TMTC1: variants seen among roughly 807,000 people sequenced by gnomAD.
The protein encoded by TMTC1 is protein O-mannosyl-transferase TMTC1.
TMTC1 carries 73 observed loss-of-function variants against 104.8 expected under a neutral mutation model. That is an observed-to-expected ratio of 0.70 (90% confidence interval 0.58 to 0.85). The LOEUF (loss-of-function observed/expected upper bound fraction) is 0.85, where lower values mean the gene tolerates loss of function less well. Among genes scored for constraint, TMTC1 ranks in the 40% least tolerant of loss-of-function variants. The pLI, the probability that TMTC1 is intolerant of heterozygous loss-of-function variation, is 0.00. For missense variants in TMTC1, 1,035 were observed against 1,096.1 expected (o/e 0.94, Z 0.79); for synonymous variants, 434 against 428.7 (o/e 1.01, Z -0.15).
intron 5 of TMTC1, among the ~76,000 whole-genome samples, chr12:29,730,095 C>T (rs1942507635): frequency 6.6e-6 from 1 of 152,096 alleles, no homozygotes; most frequent in Admixed American, 6.5e-5. Context: ...CAGAAGGGTG[C>T]AGTTGAAACA....
At chr12:29,636,731 T>C (rs1270286212) in intron 5 of TMTC1, among the ~76,000 whole-genome samples, 2 of 151,668 alleles carry the variant, frequency 1.3e-5, no homozygotes, top group African/African-American at 2.4e-5. Flanking sequence ...GGCAGGGGAA[T>C]CTCTTGAACC....
At chr12:29,751,264 A>T (rs925462119) in intron 5 of TMTC1, among the ~76,000 whole-genome samples, 1 of 152,222 alleles carries the variant, frequency 6.6e-6, no homozygotes, top group African/African-American at 2.4e-5. Context: ...AGAAAGGAAG[A>T]GTCCTCTGGG....
rs1943623122 is a variant in TMTC1 at position 29,502,789 on chromosome 12, T to C, written c.*4057A>G. The C allele has an allele frequency of 6.6e-6, 1 of 152,216 alleles. No individual in the cohort carries two copies. The highest frequency in any genetic ancestry group is 1.5e-5 in the Non-Finnish European group (1 of 68,034). 9.4% of individuals were successfully genotyped at this position (152,216 alleles called of 1,614,324 possible). A position where few individuals can be genotyped will look rare whatever the true frequency, so the allele number is the denominator to read the frequency against. On this transcript the variant is annotated 3_prime_UTR_variant, in exon 18 of 18. Coordinates refer to ENST00000539277, the MANE Select transcript of TMTC1 (RefSeq NM_001193451.2). ...CCCATTCCAGGTGTCAGCCCTGTAG[T>C]GGTTCTCCAGCCTAGCTGCACATAA...
chr12:29,514,373 C>A, intron 16 of TMTC1, 109 bp downstream of exon 16: 1 of 1,195,904 alleles, frequency 8.4e-7, no homozygotes, highest in Non-Finnish European at 1.1e-6. Context: ...ACTCCATAAA[C>A]ATACATGCCA....
At chr12:29,583,824 C>CAA (rs1946051725) in intron 7 of TMTC1, among the ~76,000 whole-genome samples, 1 of 151,980 alleles carries the variant, frequency 6.6e-6, no homozygotes, top group Non-Finnish European at 1.5e-5. Flanking sequence ...ATCTTGTAGG[C>CAA]TTAAAGTGCC....
intron 10 of TMTC1, among the ~76,000 whole-genome samples, chr12:29,538,293 A>G (rs1407908834): frequency 6.6e-6 from 1 of 152,188 alleles, no homozygotes; most frequent in Non-Finnish European, 1.5e-5. Context: ...TCTATAATAT[A>G]CCTTCATGTA....
In TMTC1 at chr12:29,518,523, C is replaced by G. The variant is rs771961300; in HGVS notation, c.1973G>C (p.Arg658Thr). ...SHHVAMVNLGRLYRSLGENSM... is the reference protein window; with the variant it reads ...SHHVAMVNLGTLYRSLGENSM... The stretch of plus-strand genomic sequence containing the variant: ...GTTCTCTCCCAGTGACCTGTAGAGT[C>G]TTCCCAAGTTCACCATGGCCACGTG... Residue 658 changes from arginine to threonine, a missense_variant, in exon 13 of 18, where the codon AGA becomes ACA. Transcript: ENST00000539277. 1 of 1,614,162 alleles carries G rather than the reference C, an allele frequency of 6.2e-7. No homozygotes were observed. Among genetic ancestry groups the G allele is most frequent in the South Asian group, 1.1e-5 (1 of 91,086 alleles).
chr12:29,539,511 G>T (rs1944736364), intron 10 of TMTC1, among the ~76,000 whole-genome samples: 1 of 152,126 alleles, frequency 6.6e-6, no homozygotes, highest in South Asian at 2.1e-4. Context: ...ACTACCTACA[G>T]ATAGACTCTT....
chr12:29,510,302 G>A (rs972749321), intron 17 of TMTC1, among the ~76,000 whole-genome samples: 7 of 151,964 alleles, frequency 4.6e-5, no homozygotes, highest in South Asian at 4.1e-4. Flanking sequence ...GTAAAAACAC[G>A]GTATTATAAT....
intron 1 of TMTC1, among the ~76,000 whole-genome samples, chr12:29,778,884 T>A (rs1213076816): frequency 6.6e-6 from 1 of 152,178 alleles, no homozygotes; most frequent in Non-Finnish European, 1.5e-5. Context: ...ATTATCCAAG[T>A]TGAAAGCCAG....
intron 5 of TMTC1, among the ~76,000 whole-genome samples, chr12:29,676,032 T>A (rs944355914): frequency 6.6e-6 from 1 of 152,194 alleles, no homozygotes; most frequent in Admixed American, 6.5e-5. Context: ...ACGCCATTAA[T>A]TAAAAGGAAT....
intron 5 of TMTC1, among the ~76,000 whole-genome samples, chr12:29,665,438 T>C (rs1280299248): frequency 6.6e-6 from 1 of 152,168 alleles, no homozygotes; most frequent in African/African-American, 2.4e-5. Flanking sequence ...TCCCAGTATA[T>C]CATGTTCAAA....
intron 8 of TMTC1, among the ~76,000 whole-genome samples, chr12:29,582,165 T>C (rs1243549496): frequency 1.3e-5 from 2 of 152,236 alleles, no homozygotes; most frequent in Non-Finnish European, 2.9e-5. Context: ...AATTGCCAAG[T>C]AAAATCAAAC....
intron 6 of TMTC1, among the ~76,000 whole-genome samples, chr12:29,604,726 A>T (rs1053650521): frequency 2.0e-5 from 3 of 152,218 alleles, no homozygotes; most frequent in African/African-American, 7.2e-5. Context: ...CCAAAATATA[A>T]TGTATTTTCT....
At chr12:29,577,571 A>C (rs1265079200) in intron 8 of TMTC1, among the ~76,000 whole-genome samples, 4 of 152,134 alleles carry the variant, frequency 2.6e-5, no homozygotes, top group East Asian at 1.9e-4. Context: ...ATCCCTGGTG[A>C]CCATTTCATT....
intron 5 of TMTC1, among the ~76,000 whole-genome samples, chr12:29,651,899 G>GC (rs111832618): frequency 3.2e-4 from 42 of 132,876 alleles, no homozygotes; most frequent in African/African-American, 1.1e-3. Flanking sequence ...CAAAAAACTT[G>GC]CCCAAAAAAA....
chr12:29,683,637 G>A (rs546001273), intron 5 of TMTC1, among the ~76,000 whole-genome samples: 15 of 152,238 alleles, frequency 9.9e-5, no homozygotes, highest in Admixed American at 9.2e-4. Flanking sequence ...TGCTAAATGC[G>A]ACTGTATAAT....
rs543095499 is a variant in TMTC1 at position 29,758,464 on chromosome 12, T to C, written c.554+240A>G. 5.9e-5 allele frequency among the ~76,000 whole-genome samples: 9 copies of C among 152,286 alleles called. No individual in the cohort carries two copies. In the South Asian group the frequency reaches 1.9e-3, roughly 32 times the overall value. ...CAAGTAAAAGGAATGATAAAGCAAG[T>C]GCTTGGGTTCCCAACACTGGGAAAG... On this transcript the variant is annotated intron_variant, in intron 3 of 17. Coordinates refer to ENST00000539277, the MANE Select transcript of TMTC1 (RefSeq NM_001193451.2).
chr12:29,578,114 T>A (rs1945874436), intron 8 of TMTC1, among the ~76,000 whole-genome samples: 1 of 151,944 alleles, frequency 6.6e-6, no homozygotes, highest in Non-Finnish European at 1.5e-5. Flanking sequence ...AATAGACAAT[T>A]GGGTCTGTGG....
Sources: gnomAD v4.1 joint callset for allele counts (sites outside exome capture counted in the v4.1 genomes callset) on GRCh38, gnomAD v4.1.1 for gene constraint, MANE v1.5 for transcripts, NCBI Gene and HGNC (gene_info 2026-07-23, HGNC 2026-07-21) for gene names.